The following HDAC9 variants were observed in gnomAD, a reference collection of about 807,000 sequenced individuals.
The protein encoded by HDAC9 is histone deacetylase 9.
In HDAC9, 41 loss-of-function variants were observed where a neutral mutation model predicts 139.4. The observed-to-expected ratio is 0.29, with a 90% CI of 0.23 to 0.38. The LOEUF (loss-of-function observed/expected upper bound fraction) is 0.38, where lower values mean the gene tolerates loss of function less well. HDAC9 is among the 10% of genes least tolerant of loss of function. HDAC9 has a pLI of 1.00. For missense variants in HDAC9, 1,147 were observed against 1,297.0 expected, an observed-to-expected ratio of 0.88 and a Z score of 1.78; for synonymous variants, 517 against 476.2, an observed-to-expected ratio of 1.09 and a Z score of -1.12.
chr7:18,517,291 G>A (rs1042188723), intron 2 of HDAC9, among the ~76,000 whole-genome samples: 1 of 152,086 alleles, frequency 6.6e-6, no homozygotes, highest in South Asian at 2.1e-4. Flanking sequence ...TCTTACAAAC[G>A]ATAAAAGTTC....
chr7:18,310,052 C>T (rs981521884), intron 1 of HDAC9, among the ~76,000 whole-genome samples: 9 of 151,154 alleles, frequency 6.0e-5, no homozygotes, highest in African/African-American at 1.2e-4. Context: ...ATTTTTAACT[C>T]GTGTTCCTGA....
intron 17 of HDAC9, among the ~76,000 whole-genome samples, chr7:18,803,487 C>T (rs1009512014): frequency 2.0e-5 from 3 of 152,010 alleles, no homozygotes; most frequent in Non-Finnish European, 4.4e-5. Flanking sequence ...TCCTTACTGA[C>T]GGTTTCTCAG....
chr7:18,645,796 C>G (rs1291139765), intron 9 of HDAC9, among the ~76,000 whole-genome samples: 1 of 152,128 alleles, frequency 6.6e-6, no homozygotes, highest in Admixed American at 6.6e-5. Context: ...ACCTTCAAGT[C>G]TTCCACTGAG....
chr7:18,753,019 G>A (rs758076669), intron 14 of HDAC9, among the ~76,000 whole-genome samples: 2 of 152,054 alleles, frequency 1.3e-5, no homozygotes, highest in Admixed American at 6.6e-5. Flanking sequence ...GACACCACAC[G>A]TTGAAAACAG....
chr7:18,828,952 G>A (rs1795660218), intron 17 of HDAC9, among the ~76,000 whole-genome samples: 1 of 152,184 alleles, frequency 6.6e-6, no homozygotes, highest in South Asian at 2.1e-4. Flanking sequence ...GCCTTCTTTT[G>A]GGACATGATC....
rs528781273 is a variant in HDAC9, at chr7:18,149,024, A to G, written c.-96-13205A>G. Among the ~76,000 whole-genome samples, 13 of 152,316 alleles carry G rather than the reference A, an allele frequency of 8.5e-5. No homozygotes were observed. In the South Asian group the frequency reaches 2.7e-3, roughly 32 times the overall value. On this transcript the variant is annotated intron_variant, in intron 1 of 12. Transcript: ENST00000417496. Reference sequence around the variant, plus strand: ...GGATAGTTTTAAATTGCTATTTTAAATGGTGTGTGCATTTATACTGTCTCT... The same window carrying G: ...GGATAGTTTTAAATTGCTATTTTAAGTGGTGTGTGCATTTATACTGTCTCT...
chr7:18,959,288 T>C (rs529573092), intron 24 of HDAC9, among the ~76,000 whole-genome samples: 10 of 152,300 alleles, frequency 6.6e-5, no homozygotes, highest in South Asian at 6.2e-4. Context: ...TAATGAATGA[T>C]ATTGATATTA....
chr7:18,473,953 G>T (rs774500404), intron 1 of HDAC9, among the ~76,000 whole-genome samples: 48 of 152,142 alleles, frequency 3.2e-4, no homozygotes, highest in Non-Finnish European at 6.6e-4. Flanking sequence ...CATCACTTAG[G>T]GTGCAGGAAT....
At chr7:18,506,056 C>G (rs190602606) in intron 2 of HDAC9, 1 of 152,314 alleles carries the variant, frequency 6.6e-6, no homozygotes, top group East Asian at 1.9e-4. Flanking sequence ...AAAGAGCATT[C>G]TGTCATTTTT....
Position 18,128,366 on chromosome 7 carries a change from G to A in HDAC9, c.-96-33863G>A, listed in dbSNP as rs534925793. On this transcript the variant is annotated intron_variant, in intron 1 of 12. Transcript: ENST00000417496. The stretch of plus-strand genomic sequence containing the variant: ...AATGATAGTTTTGGGTCAGCTAACA[G>A]TATGTTATGGATGAATGTGGCTCCT... Among the ~76,000 whole-genome samples the A allele has an allele frequency of 2.6e-5, 4 of 152,190 alleles. No individual in the cohort carries two copies. The East Asian group carries it at 5.8e-4, about 22-fold the overall frequency.
intron 2 of HDAC9, among the ~76,000 whole-genome samples, chr7:18,533,174 G>A (rs1010139576): frequency 1.3e-5 from 2 of 152,044 alleles, no homozygotes; most frequent in African/African-American, 4.8e-5. Flanking sequence ...ATCTGGTTTT[G>A]TATACTTGCA....
chr7:18,331,971 G>A (rs1223265433), intron 1 of HDAC9, among the ~76,000 whole-genome samples: 2 of 151,622 alleles, frequency 1.3e-5, no homozygotes, highest in East Asian at 1.9e-4. Flanking sequence ...TATTGAGTTA[G>A]ATGCTCAGGT....
intron 2 of HDAC9, among the ~76,000 whole-genome samples, chr7:18,280,541 T>G (rs1033910488): frequency 2.7e-5 from 4 of 150,882 alleles, no homozygotes; most frequent in African/African-American, 9.8e-5. Context: ...TGAGCCAAGA[T>G]CGCTCCATTG....
At chr7:18,338,304 AAATGACAACGATGTTGCAGTGAT>A (rs1452992339) in intron 1 of HDAC9, among the ~76,000 whole-genome samples, 2 of 151,670 alleles carry the variant, frequency 1.3e-5, no homozygotes, top group African/African-American at 4.8e-5. Context: ...AGAGGAAGAG[AAATGACAACGATGTTGCAGTGAT>A]AATGACAACA....
intron 1 of HDAC9, among the ~76,000 whole-genome samples, chr7:18,413,134 T>C (rs1346095455): frequency 1.3e-5 from 2 of 152,200 alleles, no homozygotes; most frequent in Non-Finnish European, 2.9e-5. Flanking sequence ...AAAGTTTTCA[T>C]CGCAATTTGA....
At chr7:18,879,882 G>C (rs1336173380) in intron 22 of HDAC9, among the ~76,000 whole-genome samples, 2 of 152,122 alleles carry the variant, frequency 1.3e-5, no homozygotes, top group Non-Finnish European at 2.9e-5. Context: ...ACAGCCTACA[G>C]CATGGGAGTA....
At chr7:18,112,720 A>G (rs1783707396) in intron 1 of HDAC9, among the ~76,000 whole-genome samples, 2 of 152,304 alleles carry the variant, frequency 1.3e-5, no homozygotes, top group South Asian at 4.1e-4. Context: ...TTTATAATGA[A>G]CATATATATG....
chr7:18,375,485 C>CAA (rs199860124), intron 1 of HDAC9, among the ~76,000 whole-genome samples: 2 of 147,250 alleles, frequency 1.4e-5, no homozygotes, highest in African/African-American at 4.9e-5. Flanking sequence ...ACAACAACAA[C>CAA]AAAAAAAAAA....
intron 11 of HDAC9, among the ~76,000 whole-genome samples, chr7:18,655,718 A>G (rs555604157): frequency 1.3e-5 from 2 of 152,314 alleles, no homozygotes; most frequent in South Asian, 4.1e-4. Context: ...TTGGAGACCA[A>G]GGGAAGGGAC....
Sources: gnomAD v4.1 joint callset for allele counts (sites outside exome capture counted in the v4.1 genomes callset) on GRCh38, gnomAD v4.1.1 for gene constraint, MANE v1.5 for transcripts, NCBI Gene and HGNC (gene_info 2026-07-23, HGNC 2026-07-21) for gene names.